The following LRFN5 variants were observed in gnomAD, a reference collection of about 807,000 sequenced individuals.
LRFN5 encodes leucine rich repeat and fibronectin type III domain containing 5.
Under a neutral mutation model 45.6 loss-of-function variants are expected in LRFN5, and 24 were observed. That is an observed-to-expected ratio of 0.53 (90% CI 0.38 to 0.74). LRFN5 has a LOEUF of 0.74. Ranked by LOEUF, LRFN5 falls within the 30% of genes least tolerant of loss-of-function variation. The probability of loss-of-function intolerance (pLI) is 0.00; values close to 1 mark genes in which losing one functional copy is unlikely to be tolerated. For synonymous variants in LRFN5, 340 were observed against 313.8 expected (o/e 1.08, Z -0.88); for missense variants, 776 against 861.5 (o/e 0.90, Z 1.24).
intron 1 of LRFN5, among the ~76,000 whole-genome samples, chr14:41,625,090 A>G (rs572490701): frequency 1.3e-5 from 2 of 152,146 alleles, no homozygotes; most frequent in Non-Finnish European, 2.9e-5. Context: ...CATCATGATT[A>G]ATGGATGAAT....
At chr14:41,782,850 C>G (rs899401298) in intron 2 of LRFN5, among the ~76,000 whole-genome samples, 13 of 151,974 alleles carry the variant, frequency 8.6e-5, no homozygotes, top group African/African-American at 2.4e-4. Context: ...TACATTGGAG[C>G]CTTGTTATAG....
At chr14:41,619,924 G>A (rs1238571318) in intron 1 of LRFN5, among the ~76,000 whole-genome samples, 1 of 152,044 alleles carries the variant, frequency 6.6e-6, no homozygotes, top group Non-Finnish European at 1.5e-5. Context: ...ATAATGGAAT[G>A]CTCAAACAGC....
At chr14:41,695,960 A>G (rs568388368) in intron 1 of LRFN5, among the ~76,000 whole-genome samples, 108 of 152,064 alleles carry the variant, frequency 7.1e-4, no homozygotes, top group Non-Finnish European at 1.0e-3. Context: ...AAGTAAATTA[A>G]AAAGCTTCTG....
chr14:41,657,374 A>G (rs565465404), intron 1 of LRFN5, among the ~76,000 whole-genome samples: 1 of 152,022 alleles, frequency 6.6e-6, no homozygotes, highest in Non-Finnish European at 1.5e-5. Context: ...TATACTGTCC[A>G]TTTCGGTTTT....
chr14:41,786,833 A>G (rs1332636463), intron 2 of LRFN5, among the ~76,000 whole-genome samples: 1 of 151,448 alleles, frequency 6.6e-6, no homozygotes, highest in Non-Finnish European at 1.5e-5. Context: ...TGTTGTTGTT[A>G]TTATATTTGT....
intron 2 of LRFN5, among the ~76,000 whole-genome samples, chr14:41,843,512 A>T (rs1594458089): frequency 6.6e-6 from 1 of 152,124 alleles, no homozygotes. Context: ...TGTTATAAAA[A>T]TCGTCTTCTG....
chr14:41,622,207 A>G (rs994315712), intron 1 of LRFN5, among the ~76,000 whole-genome samples: 1 of 151,716 alleles, frequency 6.6e-6, no homozygotes, highest in African/African-American at 2.4e-5. Flanking sequence ...TCAAAAGCCA[A>G]TATACCTTTA....
intron 2 of LRFN5, among the ~76,000 whole-genome samples, chr14:41,814,501 TAG>T (rs1484191478): frequency 6.6e-6 from 1 of 152,198 alleles, no homozygotes; most frequent in Non-Finnish European, 1.5e-5. Flanking sequence ...TTTCTTGACA[TAG>T]AGAGTTTGAA....
chr14:41,720,327 C>G (rs1051830683), intron 1 of LRFN5, among the ~76,000 whole-genome samples: 1 of 152,044 alleles, frequency 6.6e-6, no homozygotes, highest in African/African-American at 2.4e-5. Flanking sequence ...TTTCTTTATC[C>G]AATCCACTGT....
At chr14:41,760,600 A>G (rs1205374674) in intron 1 of LRFN5, among the ~76,000 whole-genome samples, 2 of 152,198 alleles carry the variant, frequency 1.3e-5, no homozygotes, top group African/African-American at 2.4e-5. Context: ...AAAAATTTGT[A>G]TGTTTATAAA....
At chr14:41,843,001 T>C (rs1406404804) in intron 2 of LRFN5, among the ~76,000 whole-genome samples, 2 of 152,016 alleles carry the variant, frequency 1.3e-5, no homozygotes, top group Non-Finnish European at 2.9e-5. Flanking sequence ...GTTATTCATA[T>C]CATTTCTTTT....
intron 2 of LRFN5, among the ~76,000 whole-genome samples, chr14:41,804,381 GA>G (rs1322884059): frequency 6.6e-6 from 1 of 152,076 alleles, no homozygotes; most frequent in African/African-American, 2.4e-5. Flanking sequence ...TTGGTCATCA[GA>G]AATGCAAAAG....
chr14:41,735,583 T>G (rs1348027373), intron 1 of LRFN5, among the ~76,000 whole-genome samples: 1 of 152,152 alleles, frequency 6.6e-6, no homozygotes. Context: ...CACTCCTTTA[T>G]TTTTATTTTA....
At chr14:41,783,377 T>C (rs1886604181) in intron 2 of LRFN5, among the ~76,000 whole-genome samples, 1 of 152,272 alleles carries the variant, frequency 6.6e-6, no homozygotes, top group Non-Finnish European at 1.5e-5. Flanking sequence ...TGGATGTGCC[T>C]GAGTCTCCAG....
intron 1 of LRFN5, among the ~76,000 whole-genome samples, chr14:41,614,182 T>C (rs528679734): frequency 6.6e-6 from 1 of 152,232 alleles, no homozygotes; most frequent in East Asian, 1.9e-4. Context: ...TTTTTATTAG[T>C]GTTTAGACAT....
intron 1 of LRFN5, among the ~76,000 whole-genome samples, chr14:41,682,047 AC>A (rs1881921892): frequency 1.3e-5 from 2 of 150,564 alleles, no homozygotes; most frequent in Non-Finnish European, 3.0e-5. Flanking sequence ...AGAACTCCTG[AC>A]CTCAAGTGAT....
chr14:41,804,723 T>C (rs1157933234), intron 2 of LRFN5, among the ~76,000 whole-genome samples: 1 of 152,194 alleles, frequency 6.6e-6, no homozygotes, highest in Non-Finnish European at 1.5e-5. Flanking sequence ...ATCAGATCTC[T>C]TTCACTGTCA....
At chr14:41,704,060 T>A (rs911376095) in intron 1 of LRFN5, among the ~76,000 whole-genome samples, 6 of 152,094 alleles carry the variant, frequency 3.9e-5, no homozygotes, top group African/African-American at 1.4e-4. Context: ...GGAGATCATA[T>A]CTCCACAAAA....
chr14:41,638,334 A>G (rs1879400513), intron 1 of LRFN5, among the ~76,000 whole-genome samples: 2 of 152,104 alleles, frequency 1.3e-5, no homozygotes, highest in Admixed American at 6.6e-5. Context: ...AATTCTCCTT[A>G]GAATACAGTG....
Sources: gnomAD v4.1 joint callset for allele counts (sites outside exome capture counted in the v4.1 genomes callset) on GRCh38, gnomAD v4.1.1 for gene constraint, MANE v1.5 for transcripts, NCBI Gene and HGNC (gene_info 2026-07-23, HGNC 2026-07-21) for gene names.